The following STXBP4 variants were observed in gnomAD, a reference collection of about 807,000 sequenced individuals.
The protein encoded by STXBP4 is syntaxin binding protein 4.
Under a neutral mutation model 76.1 loss-of-function variants are expected in STXBP4, and 55 were observed. The ratio of observed to expected loss-of-function variants is 0.72; its 90% confidence interval spans 0.58 to 0.91. The LOEUF is 0.91. Ranked by LOEUF, STXBP4 falls within the 40% of genes least tolerant of loss-of-function variation. The probability of loss-of-function intolerance (pLI) is 0.00; values close to 1 mark genes in which losing one functional copy is unlikely to be tolerated. For synonymous variants in STXBP4, 201 were observed against 220.2 expected (o/e 0.91, Z 0.77); for missense variants, 618 against 636.9 (o/e 0.97, Z 0.32).
chr17:55,063,698 C>A (rs1163709265), intron 12 of STXBP4, among the ~76,000 whole-genome samples: 1 of 152,084 alleles, frequency 6.6e-6, no homozygotes, highest in Non-Finnish European at 1.5e-5. Context: ...TCGTCACTTT[C>A]TAGAAAGCAT....
At chr17:55,082,512 T>C (rs1302840446) in intron 16 of STXBP4, among the ~76,000 whole-genome samples, 1 of 152,170 alleles carries the variant, frequency 6.6e-6, no homozygotes, top group Non-Finnish European at 1.5e-5. Flanking sequence ...AAATATCTAG[T>C]AGGACATTTA....
rs1016837835 is a variant in STXBP4, at chr17:55,115,726, G to A, written c.1490-25584G>A. ...CAGTTTAAAGTAATAATTCCTCAGC[G>A]AAACTCTTCCAGTAATGAATCTGAA... On this transcript the variant is annotated intron_variant, in intron 16 of 17. Transcript: ENST00000376352. Among the ~76,000 whole-genome samples the A allele has an allele frequency of 4.6e-5, 7 of 151,786 alleles. No individual in the cohort carries two copies. The South Asian group carries it at 8.3e-4, about 18-fold the overall frequency.
chr17:55,107,287 A>C (rs2079647246), intron 16 of STXBP4, among the ~76,000 whole-genome samples: 1 of 152,078 alleles, frequency 6.6e-6, no homozygotes, highest in Non-Finnish European at 1.5e-5. Flanking sequence ...CAGCTCCATC[A>C]GGTCATTTAT....
intron 16 of STXBP4, among the ~76,000 whole-genome samples, chr17:55,128,594 C>G (rs1361453869): frequency 6.6e-6 from 1 of 151,874 alleles, no homozygotes; most frequent in Non-Finnish European, 1.5e-5. Context: ...ATTTCATAGT[C>G]CTTTTGTTTG....
chr17:55,016,548 G>A (rs555960889), intron 8 of STXBP4, among the ~76,000 whole-genome samples: 10 of 152,294 alleles, frequency 6.6e-5, no homozygotes, highest in East Asian at 5.8e-4. Flanking sequence ...CAGCTCTCAC[G>A]TTTGAGGAGA....
At chr17:55,079,006 T>G (rs1289773857) in intron 15 of STXBP4, among the ~76,000 whole-genome samples, 1 of 152,182 alleles carries the variant, frequency 6.6e-6, no homozygotes, top group Non-Finnish European at 1.5e-5. Context: ...TCAAAAATTC[T>G]ATAAAGATGA....
At chr17:55,072,374 G>C (rs950890686) in intron 12 of STXBP4, among the ~76,000 whole-genome samples, 3 of 152,144 alleles carry the variant, frequency 2.0e-5, no homozygotes, top group Non-Finnish European at 4.4e-5. Context: ...TATGTACTTT[G>C]CTACTAAATG....
chr17:54,991,000 A>T (rs1031026940), intron 4 of STXBP4, 43 bp downstream of exon 4: 4 of 1,475,050 alleles, frequency 2.7e-6, no homozygotes, highest in Non-Finnish European at 2.7e-6. Flanking sequence ...AAACAAAAAG[A>T]CCCACCAGTG....
chr17:55,035,443 T>C (rs1466255812), intron 10 of STXBP4, among the ~76,000 whole-genome samples: 1 of 151,924 alleles, frequency 6.6e-6, no homozygotes, highest in South Asian at 2.1e-4. Flanking sequence ...TTAGCTCTTA[T>C]TTCTGTTCCA....
At chr17:55,094,956 G>T (rs757720686) in intron 16 of STXBP4, among the ~76,000 whole-genome samples, 1 of 152,148 alleles carries the variant, frequency 6.6e-6, no homozygotes, top group Non-Finnish European at 1.5e-5. Flanking sequence ...TCATTTCCAA[G>T]AAACTATTTC....
chr17:55,005,941 T>G (rs1381035868), intron 7 of STXBP4, among the ~76,000 whole-genome samples: 1 of 152,088 alleles, frequency 6.6e-6, no homozygotes, highest in African/African-American at 2.4e-5. Flanking sequence ...TGTATGTATA[T>G]AAAAAAATTA....
chr17:55,117,243 T>C (rs2079791601), intron 16 of STXBP4, among the ~76,000 whole-genome samples: 1 of 151,842 alleles, frequency 6.6e-6, no homozygotes, highest in African/African-American at 2.4e-5. Context: ...TATGATCTCA[T>C]TTTGTAACGG....
intron 16 of STXBP4, among the ~76,000 whole-genome samples, chr17:55,121,705 G>A (rs1356232431): frequency 1.3e-5 from 2 of 151,950 alleles, no homozygotes; most frequent in Admixed American, 6.6e-5. Context: ...CCCTCTCAGG[G>A]GTAGCCTGCC....
chr17:55,117,622 G>T (rs1415453232), intron 16 of STXBP4, among the ~76,000 whole-genome samples: 1 of 151,246 alleles, frequency 6.6e-6, no homozygotes, highest in East Asian at 1.9e-4. Flanking sequence ...AATAATTTCA[G>T]CTGTATCTAA....
intron 16 of STXBP4, among the ~76,000 whole-genome samples, chr17:55,082,297 A>G (rs1417075942): frequency 2.6e-5 from 4 of 152,226 alleles, no homozygotes; most frequent in Non-Finnish European, 5.9e-5. Context: ...GATTGTCATC[A>G]GTAATGTCCA....
At chr17:55,018,132 T>C (rs755420607) in intron 8 of STXBP4, among the ~76,000 whole-genome samples, 1 of 151,046 alleles carries the variant, frequency 6.6e-6, no homozygotes, top group African/African-American at 2.4e-5. Context: ...AGCCATGTGG[T>C]GAGTGTTAGA....
At chr17:55,089,636 A>AG (rs2079384362) in intron 16 of STXBP4, among the ~76,000 whole-genome samples, 1 of 152,172 alleles carries the variant, frequency 6.6e-6, no homozygotes, top group South Asian at 2.1e-4. Flanking sequence ...GCCTTTGTGT[A>AG]GTTTCTATTT....
intron 8 of STXBP4, among the ~76,000 whole-genome samples, chr17:55,019,128 C>T (rs1339043953): frequency 1.3e-5 from 2 of 152,196 alleles, no homozygotes; most frequent in Non-Finnish European, 2.9e-5. Flanking sequence ...GCTTCATATA[C>T]TTTACATTTA....
At chr17:55,000,163 A>G (rs2077884342) in intron 6 of STXBP4, 3 of 966,252 alleles carry the variant, frequency 3.1e-6, no homozygotes, top group Non-Finnish European at 3.7e-6. Context: ...GTTATTTGCC[A>G]TTTCTGTTCT....
Sources: gnomAD v4.1 joint callset for allele counts (sites outside exome capture counted in the v4.1 genomes callset) on GRCh38, gnomAD v4.1.1 for gene constraint, MANE v1.5 for transcripts, NCBI Gene and HGNC (gene_info 2026-07-23, HGNC 2026-07-21) for gene names.